Variants in DUOXA2 observed in about 807,000 individuals in gnomAD.
DUOXA2 encodes the protein dual oxidase maturation factor 2.
Under a neutral mutation model 27.6 loss-of-function variants are expected in DUOXA2, and 22 were observed. The ratio of observed to expected loss-of-function variants is 0.80; its 90% CI spans 0.57 to 1.14. The LOEUF (loss-of-function observed/expected upper bound fraction) is 1.14. DUOXA2 is among the 50% of genes most tolerant of loss of function. DUOXA2 has a pLI of 0.00. For missense variants in DUOXA2, 481 were observed against 419.9 expected (o/e 1.15, Z -1.27); for synonymous variants, 188 against 184.4 (o/e 1.02, Z -0.16).
In DUOXA2 at chr15:45,118,121, A is replaced by G. The variant is rs1018422410; in HGVS notation, c.*212A>G. ...TTTTTTAAAAACTGTTTTTCCCATT[A>G]ATTTTCATGGCTTCTCCGCGCCGGG... On this transcript the variant is annotated 3_prime_UTR_variant, in exon 6 of 6. Transcript: ENST00000323030. 3.2e-5 allele frequency: 46 copies of G among 1,452,552 alleles called. No individual in the cohort carries two copies. Among genetic ancestry groups the G allele is most frequent in the Non-Finnish European group, 4.2e-5 (46 of 1,107,428 alleles). 90.0% of individuals were successfully genotyped at this position (1,452,552 alleles called of 1,614,324 possible). A position where few individuals can be genotyped will look rare whatever the true frequency, so the allele number is the denominator to read the frequency against.
chr15:45,116,231 C>G lies in DUOXA2; in HGVS notation c.313C>G (p.Leu105Val), dbSNP rs374874969. 2.0e-4 allele frequency: 319 copies of G among 1,613,886 alleles called. No individual in the cohort carries two copies. Among genetic ancestry groups the G allele is most frequent in the Non-Finnish European group, 2.6e-4 (311 of 1,179,966 alleles). The part of the protein sequence containing the change: ...VTARVRLLVG[L>V]EGINITLTGT... Reference sequence around the variant, plus strand: ...AGCCCGTGTCCGTCTGCTCGTGGGCCTGGAGGGCATTAATATTACACTCAC... The same window carrying G: ...AGCCCGTGTCCGTCTGCTCGTGGGCGTGGAGGGCATTAATATTACACTCAC... The change falls in exon 3 of 6, where the codon CTG becomes GTG. Residue 105 changes from leucine (L) to valine (V), a missense_variant. Physicochemically the swap from Leu to Val is conservative, Grantham distance 32 (BLOSUM62 1). Transcript: ENST00000323030.
rs756039552 is a variant in DUOXA2 at position 45,117,097 on chromosome 15, G to T, written c.561G>T (p.Ala187=). ...GHYASATLWV[A]FCFWLLSNVL... is the part of the protein sequence containing the mutation. The stretch of plus-strand genomic sequence containing the variant: ...TCCCCCCACTCCCCGGCAGGGTGGC[G>T]TTCTGCTTCTGGCTCCTCTCCAACG... The change falls in exon 5 of 6, where the codon GCG becomes GCT. Residue 187 remains alanine (A), a synonymous_variant. Transcript: ENST00000323030. 4 of 1,598,910 alleles carry T rather than the reference G, an allele frequency of 2.5e-6. No homozygotes were observed. The African/African-American group carries it at 5.3e-5, about 21-fold the overall frequency.
At position 45,116,718 on chromosome 15, in the gene DUOXA2, G is replaced by A. The variant is rs1273545245; in HGVS notation, c.543G>A (p.Ser181=). 3.1e-6 allele frequency: 5 copies of A among 1,613,404 alleles called. No individual in the cohort carries two copies. The highest frequency in any genetic ancestry group is 1.7e-5 in the Admixed American group (1 of 60,028). ...ACCACCTGGCGGGACACTACGCCTC[G>A]GCCACGCTATGGTAAGTGCTGGAGG... ...HQYHLAGHYA[S]ATLWVAFCFW... is the part of the protein sequence containing the mutation. Residue 181 remains serine, a synonymous_variant, in exon 4 of 6, where the codon TCG becomes TCA. Coordinates refer to ENST00000323030, the MANE Select transcript of DUOXA2 (RefSeq NM_207581.4).
At position 45,116,653 on chromosome 15, in the gene DUOXA2, AAGTTCACACCG is replaced by A. The variant is rs1465561214; in HGVS notation, c.482_492del (p.Phe161Ter). 1.2e-6 allele frequency: 2 copies of A among 1,613,642 alleles called. No homozygotes were observed. The highest frequency in any genetic ancestry group is 1.7e-6 in the Non-Finnish European group (2 of 1,180,052). On this transcript the variant is annotated frameshift_variant, in exon 4 of 6. Transcript: ENST00000323030. LOFTEE classifies it high-confidence loss of function. ...GGACCCAGTGCTCTACCTGGCGGAG[AAGTTCACACCG>A]AGTAGCCCTTGCGGCCTGTACCACC...
chr15:45,115,922 G>A, intron 2 of DUOXA2, 66 bp downstream of exon 2: 2 of 1,606,322 alleles, frequency 1.2e-6, no homozygotes, highest in East Asian at 2.2e-5. Flanking sequence ...GAGGGCACCT[G>A]GGACAATAGG....
Position 45,118,306 on chromosome 15 carries a change from C to CA in DUOXA2, c.*398dup, listed in dbSNP as rs1308547354. The CA allele has an allele frequency of 3.2e-6, 4 of 1,269,006 alleles. No homozygotes were observed. In the African/African-American group the frequency reaches 6.1e-5, roughly 19 times the overall value. The allele number at this position is 1,269,006 out of a possible 1,614,324, so 78.6% of individuals were successfully genotyped here. A position where few individuals can be genotyped will look rare whatever the true frequency, so the allele number is the denominator to read the frequency against. On this transcript the variant is annotated 3_prime_UTR_variant, in exon 6 of 6. Coordinates refer to ENST00000323030, the MANE Select transcript of DUOXA2 (RefSeq NM_207581.4). ...GAGCTAGCATCTTTCTGAACCACCC[C>CA]AGGGGGACGTTAGGTGGCAGTGATG...
At chr15:45,116,099 C>T (rs1038452138) in intron 2 of DUOXA2, 25 bp from the exon 3 acceptor site, 3 of 1,613,364 alleles carry the variant, frequency 1.9e-6, no homozygotes, top group Admixed American at 3.3e-5. Flanking sequence ...CTCATCCCAC[C>T]CCCACCGTGT....
chr15:45,117,229 GCT>G lies in DUOXA2; in HGVS notation c.696_697del (p.Cys233ProfsTer86). The G allele has an allele frequency of 5.0e-6, 8 of 1,609,928 alleles. No individual in the cohort carries two copies. The highest frequency in any genetic ancestry group is 6.8e-6 in the Non-Finnish European group (8 of 1,179,576). On this transcript the variant is annotated frameshift_variant, in exon 5 of 6. Coordinates refer to ENST00000323030, the MANE Select transcript of DUOXA2 (RefSeq NM_207581.4). LOFTEE classifies it high-confidence loss of function. Reference protein sequence around the residue: ...FALASISSVPLCPLRLGSSAL... With the variant: ...FALASISSVPXCPLRLGSSAL... ...CCTTGGCCTCCATCTCTAGCGTGCC[GCT>G]CTGCCCGCTCCGCCTAGGCTCCTCC...
rs2141173964 is a variant in DUOXA2 at position 45,118,096 on chromosome 15, T to G, written c.*187T>G. On this transcript the variant is annotated 3_prime_UTR_variant, in exon 6 of 6. Transcript: ENST00000323030. Reference sequence around the variant, plus strand: ...TGTAAATAAACCTTTTTTTCTTTTGTTTTTTAAAAACTGTTTTTCCCATTA... The same window carrying G: ...TGTAAATAAACCTTTTTTTCTTTTGGTTTTTAAAAACTGTTTTTCCCATTA... The G allele has an allele frequency of 6.6e-7, 1 of 1,509,170 alleles. No individual in the cohort carries two copies. The highest frequency in any genetic ancestry group is 1.3e-5 in the South Asian group (1 of 76,290). 93.5% of individuals were successfully genotyped at this position (1,509,170 alleles called of 1,614,324 possible).
chr15:45,116,010 A>T, intron 2 of DUOXA2, 114 bp from the exon 3 acceptor site: 2 of 1,597,570 alleles, frequency 1.3e-6, no homozygotes, highest in East Asian at 4.5e-5. Context: ...CTTACCATGC[A>T]ACCACATTGG....
At chr15:45,117,363 G>C (rs1246436792) in intron 5 of DUOXA2, 58 bp downstream of exon 5, 2 of 1,519,092 alleles carry the variant, frequency 1.3e-6, no homozygotes, top group Middle Eastern at 3.5e-4. Flanking sequence ...TTCACACCGG[G>C]TGTGCACTTT....
At position 45,116,288 on chromosome 15, in the gene DUOXA2, G is replaced by A. The variant is rs1461720002; in HGVS notation, c.340+30G>A. ...GGGGGCTGGGGCTAAATGAACTCCT[G>A]GAGCTGGGAGATCCCCGGTTAGGTG... On this transcript the variant is annotated intron_variant, in intron 3 of 5. Coordinates refer to ENST00000323030, the MANE Select transcript of DUOXA2 (RefSeq NM_207581.4). 6 of 1,611,842 alleles carry A rather than the reference G, an allele frequency of 3.7e-6. No individual in the cohort carries two copies. The Admixed American group carries it at 5.0e-5, about 13-fold the overall frequency.
Position 45,117,874 on chromosome 15 carries a change from C to A in DUOXA2, c.928C>A (p.Leu310Ile). The change falls in exon 6 of 6, where the codon CTC becomes ATC. Residue 310 changes from leucine (L) to isoleucine (I), a missense_variant. Coordinates refer to ENST00000323030, the MANE Select transcript of DUOXA2 (RefSeq NM_207581.4). The stretch of plus-strand genomic sequence containing the variant: ...CGACCCACTGCACAAGCAGGCCGCT[C>A]TCCCAGACTTAAAATGTATCACCAC... ...LGDPLHKQAALPDLKCITTNL is the reference protein window; with the variant it reads ...LGDPLHKQAAIPDLKCITTNL 1 of 1,613,610 alleles carries A rather than the reference C, an allele frequency of 6.2e-7. No individual in the cohort carries two copies. Among genetic ancestry groups the A allele is most frequent in the Non-Finnish European group, 8.5e-7 (1 of 1,180,038 alleles).
intron 4 of DUOXA2, 26 bp from the exon 5 acceptor site, chr15:45,117,065 C>A (rs1242282461): frequency 5.0e-6 from 8 of 1,595,354 alleles, no homozygotes; most frequent in Non-Finnish European, 6.8e-6. Flanking sequence ...AGCCCGCTCA[C>A]AGCGGGTCCC....
At chr15:45,116,399 C>A in intron 3 of DUOXA2, 117 bp from the exon 4 acceptor site, 1 of 1,553,552 alleles carries the variant, frequency 6.4e-7, no homozygotes, top group Non-Finnish European at 8.8e-7. Context: ...TTTCTCCAAC[C>A]ACCACCGAAC....
chr15:45,114,631 C>A lies in DUOXA2; in HGVS notation c.26C>A (p.Pro9His). Reference protein sequence around the residue: MTLWNGVLPFYPQPRHAAG... With the variant: MTLWNGVLHFYPQPRHAAG... ...ATGACCCTGTGGAACGGCGTACTGC[C>A]TTTTTACCCCCAGCCCCGGCATGCC... The change falls in exon 1 of 6, where the codon CCT (proline) becomes CAT (histidine). Residue 9 changes from proline (P) to histidine (H), a missense_variant. Pro to His is a moderately conservative substitution (Grantham distance 77). Transcript: ENST00000323030. 6.2e-7 allele frequency: 1 copy of A among 1,614,222 alleles called. No homozygotes were observed. Among genetic ancestry groups the A allele is most frequent in the Non-Finnish European group, 8.5e-7 (1 of 1,180,040 alleles).
chr15:45,115,273 C>G, intron 1 of DUOXA2: 1 of 364,424 alleles, frequency 2.7e-6, no homozygotes, highest in Non-Finnish European at 5.5e-6. Context: ...TCCCCCTCTC[C>G]CAGAACCTAG....
rs1427399438 is a variant in DUOXA2, at chr15:45,118,087, T to C, written c.*178T>C. Reference sequence around the variant, plus strand: ...GGGGCGATCTGTAAATAAACCTTTTTTTCTTTTGTTTTTTAAAAACTGTTT... The same window carrying C: ...GGGGCGATCTGTAAATAAACCTTTTCTTCTTTTGTTTTTTAAAAACTGTTT... On this transcript the variant is annotated 3_prime_UTR_variant, in exon 6 of 6. Transcript: ENST00000323030. 4.6e-6 allele frequency: 7 copies of C among 1,514,378 alleles called. No individual in the cohort carries two copies. Among genetic ancestry groups the C allele is most frequent in the Non-Finnish European group, 5.3e-6 (6 of 1,133,768 alleles). 93.8% of individuals were successfully genotyped at this position (1,514,378 alleles called of 1,614,324 possible).
Position 45,118,307 on chromosome 15 carries a change from A to C in DUOXA2, c.*398A>C. On this transcript the variant is annotated 3_prime_UTR_variant, in exon 6 of 6. Transcript: ENST00000323030. ...AGCTAGCATCTTTCTGAACCACCCC[A>C]GGGGGACGTTAGGTGGCAGTGATGA... The C allele has an allele frequency of 7.9e-7, 1 of 1,262,356 alleles. No individual in the cohort carries two copies. The highest frequency in any genetic ancestry group is 1.0e-6 in the Non-Finnish European group (1 of 1,003,732). The allele number at this position is 1,262,356 out of a possible 1,614,324, so 78.2% of individuals were successfully genotyped here.
Sources: gnomAD v4.1 joint callset for allele counts on GRCh38, gnomAD v4.1.1 for gene constraint, MANE v1.5 for transcripts, NCBI Gene and HGNC (gene_info 2026-07-23, HGNC 2026-07-21) for gene names.